Variants in DLGAP2 observed in about 807,000 individuals in gnomAD.
The protein encoded by DLGAP2 is DLG associated protein 2.
DLGAP2 carries 26 observed loss-of-function variants against 100.3 expected under a neutral mutation model. That is an observed-to-expected ratio of 0.26 (90% CI 0.19 to 0.36). The LOEUF (loss-of-function observed/expected upper bound fraction) is 0.36, where lower values mean the gene tolerates loss of function less well. Among genes scored for constraint, DLGAP2 ranks in the 10% least tolerant of loss-of-function variants. The probability of loss-of-function intolerance (pLI) is 1.00; values close to 1 mark genes in which losing one functional copy is unlikely to be tolerated. For missense variants in DLGAP2, 1,858 were observed against 1,453.2 expected, an observed-to-expected ratio of 1.28 and a Z score of -4.53; for synonymous variants, 886 against 630.1, an observed-to-expected ratio of 1.41 and a Z score of -6.08.
chr8:914,869 A>C (rs1380089183), intron 2 of DLGAP2, among the ~76,000 whole-genome samples: 1 of 152,190 alleles, frequency 6.6e-6, no homozygotes, highest in Non-Finnish European at 1.5e-5. Context: ...TGTGTGGTGC[A>C]GATCTGTGGG....
intron 2 of DLGAP2, among the ~76,000 whole-genome samples, chr8:1,006,754 C>T (rs1464015202): frequency 1.9e-5 from 2 of 106,166 alleles, no homozygotes; most frequent in African/African-American, 8.0e-5. Flanking sequence ...AGGATGTGGT[C>T]CTTTATCATG....
chr8:1,326,073 G>C (rs1364747402), intron 3 of DLGAP2, among the ~76,000 whole-genome samples: 1 of 152,126 alleles, frequency 6.6e-6, no homozygotes, highest in African/African-American at 2.4e-5. Flanking sequence ...GGCCATAAGT[G>C]GACTCAACTA....
In DLGAP2 at chr8:1,430,027, TACACAC is replaced by T. The variant is rs58468404; in HGVS notation, c.107-71331_107-71326del. 1.1e-3 allele frequency among the ~76,000 whole-genome samples: 83 copies of T among 76,860 alleles called. 2 individuals are homozygous for T. The highest frequency in any genetic ancestry group is 4.2e-3 in the South Asian group (8 of 1,890). The allele number at this position is 76,860 out of a possible 152,430, so 50.4% of individuals were successfully genotyped here. A position where few individuals can be genotyped will look rare whatever the true frequency, so the allele number is the denominator to read the frequency against. On this transcript the variant is annotated intron_variant, in intron 3 of 14. Transcript: ENST00000637795. ...ATATACATATATATATATATATATA[TACACAC>T]ACACACATATGAACTTAGAATTCAT...
At chr8:799,361 GA>G (rs1159946583) in intron 1 of DLGAP2, among the ~76,000 whole-genome samples, 4 of 152,056 alleles carry the variant, frequency 2.6e-5, no homozygotes, top group African/African-American at 9.7e-5. Flanking sequence ...GGAGGGGGTT[GA>G]ATAATTAGGA....
At position 1,417,726 on chromosome 8, in the gene DLGAP2, G is replaced by GGGGGCCACGGGGAGCCCCACTCCTGCCTC. The variant is rs1796967566; in HGVS notation, c.107-83640_107-83639insGGGGCCACGGGGAGCCCCACTCCTGCCTC. On this transcript the variant is annotated intron_variant, in intron 3 of 14. Coordinates refer to ENST00000637795, the MANE Select transcript of DLGAP2 (RefSeq NM_001346810.2). ...TCCTGCCTCACTCGGCGAGGCTCCA[G>GGGGGCCACGGGGAGCCCCACTCCTGCCTC]ACACAGAAGCCCACGGAGACCTATG... Among the ~76,000 whole-genome samples the GGGGGCCACGGGGAGCCCCACTCCTGCCTC allele has an allele frequency of 1.5e-3, 215 of 142,382 alleles. 1 individual carries two copies. Among genetic ancestry groups the GGGGGCCACGGGGAGCCCCACTCCTGCCTC allele is most frequent in the Non-Finnish European group, 2.1e-3 (133 of 64,762 alleles). 93.4% of individuals were successfully genotyped at this position (142,382 alleles called of 152,430 possible). A position where few individuals can be genotyped will look rare whatever the true frequency, so the allele number is the denominator to read the frequency against.
chr8:1,224,346 C>T (rs1241943921), intron 2 of DLGAP2, among the ~76,000 whole-genome samples: 2 of 152,280 alleles, frequency 1.3e-5, no homozygotes, highest in African/African-American at 2.4e-5. Flanking sequence ...AAAATTTTCA[C>T]TGTCATATCC....
chr8:979,005 T>A (rs13268568), intron 2 of DLGAP2, among the ~76,000 whole-genome samples: 42,709 of 151,754 alleles, frequency 0.28, 7,200 homozygotes, highest in Admixed American at 0.39. Context: ...GAAGCTTGGG[T>A]CACTCCCCAG....
At chr8:1,469,273 T>C (rs939049064) in intron 3 of DLGAP2, among the ~76,000 whole-genome samples, 3 of 152,222 alleles carry the variant, frequency 2.0e-5, no homozygotes, top group Admixed American at 2.0e-4. Context: ...GCAGCCACCC[T>C]GGCTCCCAGG....
intron 6 of DLGAP2, among the ~76,000 whole-genome samples, chr8:1,591,789 C>T (rs1019897456): frequency 9.9e-5 from 15 of 152,212 alleles, no homozygotes; most frequent in African/African-American, 3.4e-4. Context: ...TCACCCATCC[C>T]CAGCAGAGGG....
chr8:1,622,416 C>G (rs751276997), intron 6 of DLGAP2: 17 of 152,190 alleles, frequency 1.1e-4, no homozygotes, highest in Non-Finnish European at 7.4e-5. Context: ...TTAGATGGAT[C>G]TAAACAGCTG....
intron 1 of DLGAP2, among the ~76,000 whole-genome samples, chr8:876,635 G>C (rs934643433): frequency 6.6e-6 from 1 of 152,258 alleles, no homozygotes; most frequent in East Asian, 1.9e-4. Context: ...TTTTATCCTT[G>C]TTGGAGTTTG....
intron 3 of DLGAP2, among the ~76,000 whole-genome samples, chr8:1,434,701 C>G (rs1392163003): frequency 6.6e-6 from 1 of 152,162 alleles, no homozygotes; most frequent in Non-Finnish European, 1.5e-5. Flanking sequence ...ATCTCGAACT[C>G]CAGACTCAGG....
intron 3 of DLGAP2, among the ~76,000 whole-genome samples, chr8:1,437,288 T>C (rs1017107490): frequency 7.2e-5 from 11 of 151,908 alleles, no homozygotes; most frequent in Non-Finnish European, 1.6e-4. Flanking sequence ...AGCCCAGGCA[T>C]GCAGGCGCGA....
At chr8:1,130,664 A>G (rs1209607444) in intron 2 of DLGAP2, among the ~76,000 whole-genome samples, 2 of 152,256 alleles carry the variant, frequency 1.3e-5, no homozygotes, top group Admixed American at 1.3e-4. Context: ...GCACAGCAGC[A>G]TCTTCGTAAC....
At chr8:767,947 T>C (rs1338047835) in intron 1 of DLGAP2, among the ~76,000 whole-genome samples, 1 of 152,234 alleles carries the variant, frequency 6.6e-6, no homozygotes, top group Non-Finnish European at 1.5e-5. Flanking sequence ...AGCTGTTTTT[T>C]ACAATGTAAG....
At chr8:1,264,122 A>G (rs1441850948) in intron 3 of DLGAP2, among the ~76,000 whole-genome samples, 2 of 151,946 alleles carry the variant, frequency 1.3e-5, no homozygotes, top group African/African-American at 4.8e-5. Flanking sequence ...GCTGTACAAT[A>G]TGTAACACAA....
intron 14 of DLGAP2, among the ~76,000 whole-genome samples, chr8:1,697,581 G>C (rs974612022): frequency 5.3e-5 from 8 of 152,202 alleles, no homozygotes; most frequent in African/African-American, 1.9e-4. Context: ...AGAGACACTA[G>C]CCAAGATCAC....
At chr8:1,541,817 C>T (rs1449750157) in intron 4 of DLGAP2, among the ~76,000 whole-genome samples, 1 of 152,204 alleles carries the variant, frequency 6.6e-6, no homozygotes, top group Non-Finnish European at 1.5e-5. Context: ...CTAATTTATA[C>T]CTTGCTTCTT....
chr8:1,172,711 C>A (rs1029669576), intron 2 of DLGAP2, among the ~76,000 whole-genome samples: 1 of 152,154 alleles, frequency 6.6e-6, no homozygotes, highest in Non-Finnish European at 1.5e-5. Context: ...CACATAGTTC[C>A]CGAGCCTTGG....
Sources: gnomAD v4.1 joint callset for allele counts (sites outside exome capture counted in the v4.1 genomes callset) on GRCh38, gnomAD v4.1.1 for gene constraint, MANE v1.5 for transcripts, NCBI Gene and HGNC (gene_info 2026-07-23, HGNC 2026-07-21) for gene names.